The following CSMD1 variants were observed in gnomAD, a reference collection of about 807,000 sequenced individuals.
CSMD1 encodes CUB and sushi domain-containing protein 1.
In CSMD1, 213 loss-of-function variants were observed where a neutral mutation model predicts 417.5. The observed-to-expected ratio is 0.51, with a 90% CI of 0.46 to 0.57. The LOEUF is 0.57. Among genes scored for constraint, CSMD1 ranks in the 20% least tolerant of loss-of-function variants. The pLI, the probability that CSMD1 is intolerant of heterozygous loss-of-function variation, is 0.00. For missense variants in CSMD1, 6,923 were observed against 4,529.7 expected (o/e 1.53, Z -15.17); for synonymous variants, 2,862 against 1,736.8 (o/e 1.65, Z -16.11).
chr8:3,558,343 C>G (rs996419657), intron 10 of CSMD1, among the ~76,000 whole-genome samples: 1 of 125,100 alleles, frequency 8.0e-6, no homozygotes, highest in East Asian at 2.3e-4. Flanking sequence ...AGTAGTACCC[C>G]GTGTCCACTC....
At chr8:3,004,225 T>A (rs1166091725) in intron 52 of CSMD1, among the ~76,000 whole-genome samples, 1 of 152,194 alleles carries the variant, frequency 6.6e-6, no homozygotes, top group African/African-American at 2.4e-5. Flanking sequence ...CTGTGATTTG[T>A]CTTGATTTTG....
At chr8:4,673,535 G>T (rs921698861) in intron 1 of CSMD1, among the ~76,000 whole-genome samples, 1 of 152,146 alleles carries the variant, frequency 6.6e-6, no homozygotes, top group East Asian at 1.9e-4. Flanking sequence ...ACAGCTCTCA[G>T]TTAGTTCCCC....
At chr8:3,940,581 GAAC>G in intron 5 of CSMD1, among the ~76,000 whole-genome samples, 1 of 149,002 alleles carries the variant, frequency 6.7e-6, no homozygotes, top group African/African-American at 2.5e-5. Context: ...AGGTATTCAA[GAAC>G]AACAACAAAA....
chr8:4,257,538 C>G (rs1192480987), intron 3 of CSMD1, among the ~76,000 whole-genome samples: 1 of 152,034 alleles, frequency 6.6e-6, no homozygotes, highest in African/African-American at 2.4e-5. Flanking sequence ...GAATAAAGTC[C>G]TTTCAATTAC....
At chr8:4,174,705 T>C (rs988028315) in intron 3 of CSMD1, among the ~76,000 whole-genome samples, 2 of 64,420 alleles carry the variant, frequency 3.1e-5, no homozygotes, top group Admixed American at 3.8e-4. Flanking sequence ...TCTAGAACAC[T>C]GAAGAGAGAG....
At position 3,889,883 on chromosome 8, in the gene CSMD1, T is replaced by C. The variant is rs529447317; in HGVS notation, c.818+108020A>G. On this transcript the variant is annotated intron_variant, in intron 5 of 69. Transcript: ENST00000635120. ...TTACCAAAGGTCAAAGGCACTGAAA[T>C]ATCAAAATTACTTTCTGAGTTGCGC... 1.2e-3 allele frequency among the ~76,000 whole-genome samples: 190 copies of C among 152,240 alleles called. 2 individuals are homozygous for C. Among genetic ancestry groups the C allele is most frequent in the African/African-American group, 1.1e-3 (46 of 41,562 alleles).
intron 2 of CSMD1, among the ~76,000 whole-genome samples, chr8:4,558,705 A>G (rs1187237948): frequency 6.6e-6 from 1 of 151,996 alleles, no homozygotes; most frequent in East Asian, 1.9e-4. Flanking sequence ...CGCCTCTACT[A>G]AAAATACAAA....
intron 54 of CSMD1, among the ~76,000 whole-genome samples, chr8:2,990,763 CGAT>C (rs1408830671): frequency 1.3e-5 from 2 of 152,066 alleles, no homozygotes; most frequent in Non-Finnish European, 2.9e-5. Context: ...GAGCGAGAAG[CGAT>C]GATAATCCCC....
chr8:4,662,648 T>C (rs529065693), intron 1 of CSMD1, among the ~76,000 whole-genome samples: 41 of 152,316 alleles, frequency 2.7e-4, no homozygotes, highest in African/African-American at 9.9e-4. Flanking sequence ...ATAAAACCCC[T>C]TTCAGCCGCC....
intron 17 of CSMD1, among the ~76,000 whole-genome samples, chr8:3,390,141 T>C (rs1171642062): frequency 4.6e-5 from 7 of 151,838 alleles, no homozygotes; most frequent in East Asian, 1.9e-4. Context: ...GATCACCTGA[T>C]GTCAGGAGTT....
intron 5 of CSMD1, among the ~76,000 whole-genome samples, chr8:3,796,727 G>T (rs919512174): frequency 6.6e-6 from 1 of 150,832 alleles, no homozygotes; most frequent in African/African-American, 2.4e-5. Context: ...AATTCTATAT[G>T]TCACCTTGTT....
At chr8:3,266,897 T>C (rs530861059) in intron 26 of CSMD1, among the ~76,000 whole-genome samples, 1 of 151,846 alleles carries the variant, frequency 6.6e-6, no homozygotes, top group South Asian at 2.1e-4. Flanking sequence ...CAAAACCAGC[T>C]GGGTTGTGGA....
intron 10 of CSMD1, among the ~76,000 whole-genome samples, chr8:3,574,467 G>C (rs374169682): frequency 6.6e-6 from 1 of 152,076 alleles, no homozygotes; most frequent in Non-Finnish European, 1.5e-5. Context: ...ACTGGTTTTA[G>C]AACTCCTGAC....
chr8:3,436,515 G>C (rs113757626), intron 12 of CSMD1, among the ~76,000 whole-genome samples: 2 of 152,246 alleles, frequency 1.3e-5, no homozygotes, highest in South Asian at 4.1e-4. Flanking sequence ...TGTAAATTAA[G>C]TGTAATGTTT....
chr8:3,966,759 G>T (rs2627474), intron 5 of CSMD1, among the ~76,000 whole-genome samples: 1 of 145,486 alleles, frequency 6.9e-6, no homozygotes, highest in Non-Finnish European at 1.5e-5. Context: ...ACACACGCGC[G>T]CGCGCGCACA....
intron 1 of CSMD1, among the ~76,000 whole-genome samples, chr8:4,934,348 A>C (rs1807457253): frequency 6.6e-6 from 1 of 152,198 alleles, no homozygotes; most frequent in African/African-American, 2.4e-5. Flanking sequence ...TTAAATTCAA[A>C]ATTATTTGTA....
chr8:3,490,861 A>G (rs1354718911), intron 11 of CSMD1, among the ~76,000 whole-genome samples: 1 of 148,848 alleles, frequency 6.7e-6, no homozygotes. Flanking sequence ...GTTTTTAAAA[A>G]TAAAAAGAAA....
chr8:4,244,435 T>G (rs964061957), intron 3 of CSMD1, among the ~76,000 whole-genome samples: 3 of 152,136 alleles, frequency 2.0e-5, no homozygotes, highest in African/African-American at 2.4e-5. Flanking sequence ...CCTGTATATT[T>G]TTGTCAAATA....
intron 5 of CSMD1, among the ~76,000 whole-genome samples, chr8:3,977,922 A>G (rs1813565393): frequency 6.6e-6 from 1 of 152,202 alleles, no homozygotes; most frequent in Non-Finnish European, 1.5e-5. Flanking sequence ...CATGTCAGCC[A>G]CATCGTGCCA....
Sources: allele counts gnomAD v4.1 joint callset (sites outside exome capture counted in the v4.1 genomes callset), GRCh38; gene constraint gnomAD v4.1.1; transcripts MANE v1.5; gene names NCBI Gene and HGNC (gene_info 2026-07-23, HGNC 2026-07-21).